The following INPP5D variants were observed in gnomAD, a reference collection of about 807,000 sequenced individuals.
The protein encoded by INPP5D is phosphatidylinositol 3,4,5-trisphosphate 5-phosphatase 1.
INPP5D carries 33 observed loss-of-function variants against 122.9 expected under a neutral mutation model. The ratio of observed to expected loss-of-function variants is 0.27; its 90% CI spans 0.20 to 0.36. The LOEUF is 0.36. INPP5D is among the 10% of genes least tolerant of loss of function. The pLI is 1.00. For synonymous variants in INPP5D, 584 were observed against 576.2 expected (o/e 1.01, Z -0.19); for missense variants, 1,053 against 1,412.7 (o/e 0.75, Z 4.08).
At chr2:233,152,870 G>A (rs948462413) in intron 9 of INPP5D, among the ~76,000 whole-genome samples, 2 of 152,122 alleles carry the variant, frequency 1.3e-5, no homozygotes, top group African/African-American at 4.8e-5. Flanking sequence ...AGCTGGGGGG[G>A]GTGTGGTGTG....
intron 2 of INPP5D, among the ~76,000 whole-genome samples, chr2:233,108,774 T>A (rs914493755): frequency 1.3e-5 from 2 of 152,156 alleles, no homozygotes; most frequent in African/African-American, 4.8e-5. Flanking sequence ...CGTTCCTTCC[T>A]CCTTTGCCAG....
chr2:233,150,953 G>C (rs1410535236), intron 9 of INPP5D, among the ~76,000 whole-genome samples: 1 of 152,112 alleles, frequency 6.6e-6, no homozygotes, highest in Non-Finnish European at 1.5e-5. Flanking sequence ...CGGGACAGGG[G>C]GTTAGTGAAA....
intron 2 of INPP5D, among the ~76,000 whole-genome samples, chr2:233,098,364 G>T (rs1692206408): frequency 6.6e-6 from 1 of 152,166 alleles, no homozygotes; most frequent in Non-Finnish European, 1.5e-5. Flanking sequence ...GTGAGCCACA[G>T]GGTCTTCTGA....
Position 233,170,345 on chromosome 2 carries a change from G to A in INPP5D, c.1792-151G>A. The A allele has an allele frequency of 6.7e-7, 1 of 1,486,586 alleles. No homozygotes were observed. The highest frequency in any genetic ancestry group is 9.0e-7 in the Non-Finnish European group (1 of 1,107,668). 92.1% of individuals were successfully genotyped at this position (1,486,586 alleles called of 1,614,324 possible). The stretch of plus-strand genomic sequence containing the variant: ...CAGCCGCTCCTCACGGTTCCCCTGT[G>A]CTCACACCCGGTTCCCATAACTGTC... On this transcript the variant is annotated intron_variant, in intron 15 of 26. Transcript: ENST00000445964. The surrounding 1 kb of genome is among the most constrained non-coding windows in gnomAD (Gnocchi z 4.5).
chr2:233,198,128 A>T lies in INPP5D; in HGVS notation c.2727A>T (p.Glu909Asp). Residue 909 changes from glutamate to aspartate, a missense_variant, in exon 25 of 27, where the codon GAA becomes GAT. Transcript: ENST00000445964. ...CGTGCAGTGGCTCCAGCATCACTGA[A>T]ATCATCAACCCCAACTACATGGGAG... ...APPCSGSSIT[E>D]IINPNYMGVG... 6.2e-7 allele frequency: 1 copy of T among 1,611,602 alleles called. No individual in the cohort carries two copies. The highest frequency in any genetic ancestry group is 8.5e-7 in the Non-Finnish European group (1 of 1,178,810).
At chr2:233,139,230 C>A (rs1461319451) in intron 5 of INPP5D, among the ~76,000 whole-genome samples, 1 of 152,014 alleles carries the variant, frequency 6.6e-6, no homozygotes, top group Non-Finnish European at 1.5e-5. Flanking sequence ...ATTGTCTGCC[C>A]CACTATGTTA....
At chr2:233,084,179 G>A (rs1691768177) in intron 2 of INPP5D, among the ~76,000 whole-genome samples, 1 of 152,178 alleles carries the variant, frequency 6.6e-6, no homozygotes, top group Non-Finnish European at 1.5e-5. Flanking sequence ...TCAGTCTCCT[G>A]AGTAGCTGAG....
intron 9 of INPP5D, among the ~76,000 whole-genome samples, chr2:233,157,984 A>T (rs1694099864): frequency 6.6e-6 from 1 of 152,190 alleles, no homozygotes; most frequent in Non-Finnish European, 1.5e-5. Context: ...AAGAGTAAGG[A>T]AGAAAGGAGG....
At position 233,189,037 on chromosome 2, in the gene INPP5D, A is replaced by C. The variant is rs1380875196; in HGVS notation, c.2359-813A>C. 6.6e-6 allele frequency among the ~76,000 whole-genome samples: 1 copy of C among 152,166 alleles called. No individual in the cohort carries two copies. The highest frequency in any genetic ancestry group is 6.5e-5 in the Admixed American group (1 of 15,278). On this transcript the variant is annotated intron_variant, in intron 21 of 26. Transcript: ENST00000445964. The surrounding 1 kb of genome is among the most constrained non-coding windows in gnomAD (Gnocchi z 5.6). The stretch of plus-strand genomic sequence containing the variant: ...GGGAGTCATCGTGAGAAACAGCCCC[A>C]CATCTGAAAAAGTCATAACTCGTGG...
chr2:233,105,712 A>G lies in INPP5D; in HGVS notation c.199-16395A>G, dbSNP rs942376003. On this transcript the variant is annotated intron_variant, in intron 2 of 26. Transcript: ENST00000445964. This position sits in a 1 kb window ranked among gnomAD's most constrained non-coding sequence, Gnocchi z 4.0. ...GCTCTGCTTTCCTTCAGCCCTGCCC[A>G]GGGCAGCAGGTGATCGTGGGGCGGA... Among the ~76,000 whole-genome samples, 1 of 152,184 alleles carries G rather than the reference A, an allele frequency of 6.6e-6. No individual in the cohort carries two copies. The highest frequency in any genetic ancestry group is 6.5e-5 in the Admixed American group (1 of 15,274).
chr2:233,104,698 T>C (rs1692416399), intron 2 of INPP5D, among the ~76,000 whole-genome samples: 1 of 152,154 alleles, frequency 6.6e-6, no homozygotes, highest in Admixed American at 6.6e-5. Flanking sequence ...GCTGAGAGGC[T>C]TGAGTTGAGG....
chr2:233,144,874 C>T (rs1265723356), intron 6 of INPP5D, among the ~76,000 whole-genome samples: 3 of 151,892 alleles, frequency 2.0e-5, no homozygotes, highest in Non-Finnish European at 2.9e-5. Flanking sequence ...TGTGCAGAGG[C>T]AGCAGTGGTA....
intron 21 of INPP5D, among the ~76,000 whole-genome samples, chr2:233,186,679 TCTTTC>T (rs1694924913): frequency 1.1e-5 from 1 of 94,136 alleles, no homozygotes. Context: ...TTTCTTTTTC[TCTTTC>T]TTTTTTTTTT....
chr2:233,190,988 G>T (rs184240968), intron 22 of INPP5D, among the ~76,000 whole-genome samples: 1 of 152,172 alleles, frequency 6.6e-6, no homozygotes, highest in Non-Finnish European at 1.5e-5. Context: ...GGAGAGAAGC[G>T]GATGACATTG....
chr2:233,176,779 G>T (rs977684479), intron 17 of INPP5D, among the ~76,000 whole-genome samples: 2 of 150,944 alleles, frequency 1.3e-5, no homozygotes, highest in African/African-American at 4.9e-5. Flanking sequence ...TGGATGGGTG[G>T]ATGGATGAAT....
At chr2:233,186,308 T>C (rs2106316875) in intron 21 of INPP5D, among the ~76,000 whole-genome samples, 1 of 152,262 alleles carries the variant, frequency 6.6e-6, no homozygotes, top group South Asian at 2.1e-4. Context: ...CGATCCCCTC[T>C]TTGACGCTTG....
At chr2:233,138,856 C>T (rs1693568589) in intron 5 of INPP5D, among the ~76,000 whole-genome samples, 1 of 152,088 alleles carries the variant, frequency 6.6e-6, no homozygotes, top group East Asian at 1.9e-4. Context: ...CACCACTCTC[C>T]TGCCTCAGTC....
Position 233,193,974 on chromosome 2 carries a change from C to G in INPP5D, c.2596+13C>G. On this transcript the variant is annotated intron_variant, in intron 23 of 26. Transcript: ENST00000445964. ...GAGAAGCTCTATGGTAAGCAGCAAG[C>G]CCCTCCCCAGCGCCCTCTTCAGCCC... The G allele has an allele frequency of 6.3e-7, 1 of 1,582,154 alleles. No homozygotes were observed. Among genetic ancestry groups the G allele is most frequent in the Non-Finnish European group, 8.6e-7 (1 of 1,160,440 alleles).
intron 3 of INPP5D, among the ~76,000 whole-genome samples, chr2:233,123,055 A>G (rs567991791): frequency 1.3e-5 from 2 of 152,310 alleles, no homozygotes; most frequent in South Asian, 4.1e-4. Context: ...GAGGAGAGTG[A>G]AGGAGGAGAC....
Sources: gnomAD v4.1 joint callset for allele counts (sites outside exome capture counted in the v4.1 genomes callset) on GRCh38, gnomAD v4.1.1 for gene constraint, Gnocchi (gnomAD v3.1) non-coding constraint, MANE v1.5 for transcripts, NCBI Gene and HGNC (gene_info 2026-07-23, HGNC 2026-07-21) for gene names.